The following VCL variants were observed in gnomAD, a reference collection of about 807,000 sequenced individuals.
The protein encoded by VCL is epididymis luminal protein 114.
A neutral mutation model predicts 125.7 loss-of-function variants in VCL; 47 were observed. That is an observed-to-expected ratio of 0.37 (90% confidence interval 0.30 to 0.48). The LOEUF (loss-of-function observed/expected upper bound fraction) is 0.48, where lower values mean the gene tolerates loss of function less well. VCL is among the 20% of genes least tolerant of loss of function. The pLI is 0.99. For missense variants in VCL, 1,069 were observed against 1,455.5 expected (o/e 0.73, Z 4.32); for synonymous variants, 458 against 514.6 (o/e 0.89, Z 1.49).
intron 2 of VCL, among the ~76,000 whole-genome samples, chr10:74,070,117 TTG>T (rs1177297703): frequency 6.6e-6 from 1 of 152,220 alleles, no homozygotes; most frequent in African/African-American, 2.4e-5. Flanking sequence ...TACTTTTTCT[TTG>T]TGTTTCTTCC....
chr10:74,039,197 G>A (rs894774491), intron 1 of VCL, among the ~76,000 whole-genome samples: 9 of 152,276 alleles, frequency 5.9e-5, no homozygotes, highest in Admixed American at 4.6e-4. Flanking sequence ...ATAGGCATGA[G>A]CCACCACGCC....
At chr10:74,111,109 G>A (rs1373042767) in intron 18 of VCL, among the ~76,000 whole-genome samples, 1 of 152,166 alleles carries the variant, frequency 6.6e-6, no homozygotes. Context: ...ACTAGCAATG[G>A]ATGCAAAAAG....
At chr10:74,020,652 G>A (rs1480053683) in intron 1 of VCL, among the ~76,000 whole-genome samples, 1 of 151,910 alleles carries the variant, frequency 6.6e-6, no homozygotes, top group Non-Finnish European at 1.5e-5. Context: ...AGCAGCCTGG[G>A]CAACATGGCG....
chr10:74,041,345 A>G (rs1474580276), intron 1 of VCL, among the ~76,000 whole-genome samples: 1 of 152,154 alleles, frequency 6.6e-6, no homozygotes, highest in Non-Finnish European at 1.5e-5. Flanking sequence ...ACCATTTACT[A>G]TATTAAAGTT....
chr10:74,105,150 T>C lies in VCL; in HGVS notation c.2231T>C (p.Ile744Thr). ...LDKCKVAMAN[I>T]QPQMLVAGAT... The stretch of plus-strand genomic sequence containing the variant: ...AAGTGCAAGGTAGCTATGGCCAACA[T>C]TCAGCCTCAGATGCTGGTTGCTGGG... The change falls in exon 16 of 22, where the codon ATT becomes ACT. Residue 744 changes from isoleucine to threonine, a missense_variant. Coordinates refer to ENST00000211998, the MANE Select transcript of VCL (RefSeq NM_014000.3). 1 of 1,614,202 alleles carries C rather than the reference T, an allele frequency of 6.2e-7. No homozygotes were observed. Among genetic ancestry groups the C allele is most frequent in the Non-Finnish European group, 8.5e-7 (1 of 1,180,026 alleles).
At chr10:74,115,068 C>A (rs1264041383) in intron 21 of VCL, among the ~76,000 whole-genome samples, 169 bp downstream of exon 21, 1 of 151,948 alleles carries the variant, frequency 6.6e-6, no homozygotes, top group African/African-American at 2.4e-5. Flanking sequence ...ATAGATACAT[C>A]AGAAATTTGG....
chr10:74,079,231 T>C (rs867748095), intron 6 of VCL, among the ~76,000 whole-genome samples: 1 of 152,276 alleles, frequency 6.6e-6, no homozygotes. Flanking sequence ...GAGCATAACA[T>C]GGTGGGGGAG....
intron 14 of VCL, among the ~76,000 whole-genome samples, chr10:74,102,521 CTA>C (rs1441478856): frequency 3.3e-5 from 5 of 152,124 alleles, no homozygotes; most frequent in Admixed American, 6.5e-5. Context: ...ACATTCGAAA[CTA>C]TGCTAGGCTT....
chr10:74,029,070 C>T (rs1203897827), intron 1 of VCL, among the ~76,000 whole-genome samples: 1 of 149,764 alleles, frequency 6.7e-6, no homozygotes, highest in Admixed American at 6.6e-5. Flanking sequence ...CCACCCACTT[C>T]GGCCTCCCAA....
chr10:74,076,770 A>G (rs1839592507), intron 6 of VCL: 2 of 152,672 alleles, frequency 1.3e-5, no homozygotes, highest in African/African-American at 2.4e-5. Flanking sequence ...AATTAGCTGT[A>G]GTTCTCCATG....
intron 2 of VCL, among the ~76,000 whole-genome samples, chr10:74,047,890 G>A (rs7073493): frequency 5.5e-4 from 83 of 152,262 alleles, no homozygotes; most frequent in African/African-American, 1.9e-3. Context: ...ATTCCTTACT[G>A]TAAAAGTGAG....
rs555317931 is a variant in VCL at position 74,060,971 on chromosome 10, A to AT, written c.240-9691dup. ...TGGTCCATTTGATATATAGCATAAG[A>AT]TTTTTTTTCTAGCAATTTAGGTTGA... is the stretch of plus-strand genomic sequence containing the variant. On this transcript the variant is annotated intron_variant, in intron 2 of 21. Transcript: ENST00000211998. Among the ~76,000 whole-genome samples, 205 of 151,952 alleles carry AT rather than the reference A, an allele frequency of 1.3e-3. 2 individuals carry two copies. The highest frequency in any genetic ancestry group is 1.4e-3 in the Non-Finnish European group (95 of 68,002).
rs556369812 is a variant in VCL at position 74,072,897 on chromosome 10, G to C, written c.622+45G>C. The C allele has an allele frequency of 3.4e-4, 552 of 1,612,354 alleles. 3 individuals carry two copies. The South Asian group carries it at 5.4e-3, about 16-fold the overall frequency. ...TATTTTATAGGGGGGAAAAATGTTAGCATGTTCTAAACTCTGAGGTTCATT... is the reference window on the plus strand; with the variant it reads ...TATTTTATAGGGGGGAAAAATGTTACCATGTTCTAAACTCTGAGGTTCATT... On this transcript the variant is annotated intron_variant, in intron 5 of 21. Transcript: ENST00000211998.
At chr10:74,052,949 ATAT>A (rs1564518615) in intron 2 of VCL, among the ~76,000 whole-genome samples, 237 of 102,770 alleles carry the variant, frequency 2.3e-3, no homozygotes, top group Non-Finnish European at 3.4e-3. Context: ...AAAAAAAAAT[ATAT>A]ATATATATAT....
At chr10:74,069,131 C>A (rs1841621033) in intron 2 of VCL, among the ~76,000 whole-genome samples, 2 of 151,776 alleles carry the variant, frequency 1.3e-5, no homozygotes, top group Non-Finnish European at 2.9e-5. Context: ...GATCTCGGCT[C>A]ACTGCAACCT....
intron 1 of VCL, among the ~76,000 whole-genome samples, chr10:74,007,751 C>T (rs993205238): frequency 6.6e-6 from 1 of 152,120 alleles, no homozygotes; most frequent in Non-Finnish European, 1.5e-5. Flanking sequence ...CTGCCTTGGC[C>T]TCCCGAAGTA....
chr10:74,099,527 A>G (rs945196047), intron 13 of VCL, among the ~76,000 whole-genome samples: 7 of 151,952 alleles, frequency 4.6e-5, no homozygotes, highest in African/African-American at 1.2e-4. Flanking sequence ...CTTTTTTCTC[A>G]CTGGGCTGTG....
At position 74,105,289 on chromosome 10, in the gene VCL, G is replaced by A. The variant is rs746772109; in HGVS notation, c.2370G>A (p.Leu790=). ...CTGTGAAAGCTGCCTCTGATGAATT[G>A]AGCAAAACCATCTCCCCGATGGTGA... is the stretch of plus-strand genomic sequence containing the variant. ...REAVKAASDE[L]SKTISPMVMD... The change falls in exon 16 of 22, where the codon TTG becomes TTA. Residue 790 remains leucine (L), a synonymous_variant. Coordinates refer to ENST00000211998, the MANE Select transcript of VCL (RefSeq NM_014000.3). 6.8e-6 allele frequency: 11 copies of A among 1,613,468 alleles called. No individual in the cohort carries two copies. Among genetic ancestry groups the A allele is most frequent in the Admixed American group, 1.7e-5 (1 of 59,998 alleles).
chr10:74,055,673 T>C (rs1564519290), intron 2 of VCL, among the ~76,000 whole-genome samples: 2 of 152,152 alleles, frequency 1.3e-5, no homozygotes, highest in Admixed American at 6.5e-5. Context: ...TAAGATAATT[T>C]AAAAATTTTA....
Sources: allele counts gnomAD v4.1 joint callset (sites outside exome capture counted in the v4.1 genomes callset), GRCh38; gene constraint gnomAD v4.1.1; transcripts MANE v1.5; gene names NCBI Gene and HGNC (gene_info 2026-07-23, HGNC 2026-07-21).